The following PRRC2A variants were observed in gnomAD, a reference collection of about 807,000 sequenced individuals.
PRRC2A encodes protein PRRC2A.
PRRC2A carries 59 observed loss-of-function variants against 224.6 expected under a neutral mutation model. The observed-to-expected ratio is 0.26, with a 90% CI of 0.21 to 0.33. PRRC2A has a LOEUF of 0.33. Among genes scored for constraint, PRRC2A ranks in the 10% least tolerant of loss-of-function variants. The pLI is 1.00. For synonymous variants in PRRC2A, 1,194 were observed against 1,109.5 expected (o/e 1.08, Z -1.51); for missense variants, 3,095 against 2,880.7 (o/e 1.07, Z -1.70).
Position 31,637,611 on chromosome 6 carries a change from C to G in PRRC2A, c.*25C>G, listed in dbSNP as rs569186695. 8.3e-7 allele frequency: 1 copy of G among 1,211,848 alleles called. No individual in the cohort carries two copies. The highest frequency in any genetic ancestry group is 1.4e-5 in the South Asian group (1 of 72,712). 75.1% of individuals were successfully genotyped at this position (1,211,848 alleles called of 1,614,324 possible). A position where few individuals can be genotyped will look rare whatever the true frequency, so the allele number is the denominator to read the frequency against. ...AGGGAGTTCCTCTTGCCCCCTACCC[C>G]CGGGGCTTGTATATAGATTATAAAT... On this transcript the variant is annotated 3_prime_UTR_variant, in exon 31 of 31. Coordinates refer to ENST00000376033, the MANE Select transcript of PRRC2A (RefSeq NM_004638.4).
rs1482742039 is a variant in PRRC2A at position 31,627,605 on chromosome 6, A to G, written c.1291-160A>G. 6.6e-6 allele frequency among the ~76,000 whole-genome samples: 1 copy of G among 152,192 alleles called. No individual in the cohort carries two copies. ...GCAACATAGCAAGACGTGGTCTCAA[A>G]GAAGACCAGGATAATGAGTTTGTCA... is the stretch of plus-strand genomic sequence containing the variant. On this transcript the variant is annotated intron_variant, in intron 11 of 30. Transcript: ENST00000376033. The surrounding 1 kb of genome is among the most constrained non-coding windows in gnomAD (Gnocchi z 5.6).
At position 31,623,766 on chromosome 6, in the gene PRRC2A, A is replaced by G. The variant is rs1300169450; in HGVS notation, c.147A>G (p.Lys49=). The part of the protein sequence containing the change: ...APRHGLQSLG[K]VAIARRMPPP... ...GCCATGGCCTGCAGAGTCTCGGGAA[A>G]GTTGCCATTGCCCGGCGTATGCCAC... Residue 49 remains lysine (K), a synonymous_variant, in exon 3 of 31, where the codon AAA becomes AAG. Transcript: ENST00000376033. The G allele has an allele frequency of 9.9e-6, 16 of 1,614,094 alleles. No individual in the cohort carries two copies. The Admixed American group carries it at 2.5e-4, about 25-fold the overall frequency.
chr6:31,632,044 C>T lies in PRRC2A; in HGVS notation c.3371C>T (p.Ala1124Val), dbSNP rs1379377308. Residue 1124 changes from alanine to valine, a missense_variant, in exon 16 of 31, where the codon GCT becomes GTT. Transcript: ENST00000376033. The stretch of plus-strand genomic sequence containing the variant: ...GATCTGGCTCCTTCAGACAAGGAGG[C>T]TCCCACACCCAAGGAGGGAACACTC... ...ESDLAPSDKE[A>V]PTPKEGTLTQ... 2.5e-6 allele frequency: 4 copies of T among 1,587,764 alleles called. No homozygotes were observed. The highest frequency in any genetic ancestry group is 3.4e-6 in the Non-Finnish European group (4 of 1,164,918).
chr6:31,620,918 T>C lies in PRRC2A; in HGVS notation c.-101+60T>C, dbSNP rs143735158. On this transcript the variant is annotated intron_variant, in intron 1 of 30. Transcript: ENST00000376033. ...TCCGGCGCGGGAGAGGTGGTGGCGG[T>C]GGCGGTGGCGGCGGCGGCGGCGGTG... is the stretch of plus-strand genomic sequence containing the variant. 226 of 155,696 alleles carry C rather than the reference T, an allele frequency of 1.5e-3. 8 individuals are homozygous for C. In the South Asian group the frequency reaches 0.029, roughly 20 times the overall value. 9.6% of individuals were successfully genotyped at this position (155,696 alleles called of 1,614,324 possible). A position where few individuals can be genotyped will look rare whatever the true frequency, so the allele number is the denominator to read the frequency against.
At chr6:31,622,385 A>T (rs1775391219) in intron 1 of PRRC2A, among the ~76,000 whole-genome samples, 1 of 152,126 alleles carries the variant, frequency 6.6e-6, no homozygotes, top group Admixed American at 6.5e-5. Flanking sequence ...AAGTCTCTGA[A>T]ACGATTTTGG....
intron 17 of PRRC2A, 39 bp downstream of exon 17, chr6:31,633,686 C>A: frequency 6.4e-7 from 1 of 1,574,414 alleles, no homozygotes. Flanking sequence ...ATCTCCATCC[C>A]CAGAGAAGGT....
rs1172780865 is a variant in PRRC2A, at chr6:31,632,557, T to C, written c.3884T>C (p.Val1295Ala). Residue 1295 changes from valine to alanine, a missense_variant, in exon 16 of 31, where the codon GTG becomes GCG. Val to Ala is a moderately conservative substitution (Grantham distance 64, BLOSUM62 0). Coordinates refer to ENST00000376033, the MANE Select transcript of PRRC2A (RefSeq NM_004638.4). ...GPEEALTTVT[V>A]APAPRRAAAK... ...GAGGAGGCCCTCACAACAGTCACAG[T>C]GGCCCCAGCACCTCGCCGGGCAGCT... is the stretch of plus-strand genomic sequence containing the variant. 6.8e-6 allele frequency: 11 copies of C among 1,611,882 alleles called. No homozygotes were observed. The East Asian group carries it at 1.6e-4, about 23-fold the overall frequency.
chr6:31,629,896 G>A (rs773352283), intron 14 of PRRC2A, 51 bp downstream of exon 14: 1 of 1,601,914 alleles, frequency 6.2e-7, no homozygotes. Context: ...TCAGTCTTAG[G>A]CATTGGATAT....
In PRRC2A at chr6:31,627,185, C is replaced by A. The variant is rs751627583; in HGVS notation, c.1277C>A (p.Pro426His). ...HRGPAGNWGP[P>H]GDYPDRGGPP... ...GGCCCCGCCGGGAACTGGGGCCCCC[C>A]TGGGGACTACCCAGTGAGTGTCTCC... The change falls in exon 11 of 31, where the codon CCT becomes CAT. Residue 426 changes from proline to histidine, a missense_variant. Transcript: ENST00000376033. The surrounding 1 kb of genome is among the most constrained non-coding windows in gnomAD (Gnocchi z 5.6). 6.2e-7 allele frequency: 1 copy of A among 1,605,380 alleles called. No homozygotes were observed. Among genetic ancestry groups the A allele is most frequent in the Admixed American group, 1.7e-5 (1 of 59,874 alleles).
At chr6:31,635,010 T>C (rs1561837834) in intron 21 of PRRC2A, 33 bp downstream of exon 21, 2 of 1,604,810 alleles carry the variant, frequency 1.2e-6, no homozygotes, top group Non-Finnish European at 8.5e-7. Context: ...GGGGAATGTT[T>C]CCAGGAATCT....
At chr6:31,635,038 T>C in intron 21 of PRRC2A, 61 bp downstream of exon 21, 1 of 1,598,236 alleles carries the variant, frequency 6.3e-7, no homozygotes, top group Non-Finnish European at 8.5e-7. Context: ...GCCCTACCTT[T>C]TTCTGCTTTT....
In PRRC2A at chr6:31,627,972, C is replaced by T. The variant is rs146082098; in HGVS notation, c.1498C>T (p.Pro500Ser). The stretch of plus-strand genomic sequence containing the variant: ...GCGACTCGATGAAAAGTTTGGGGCA[C>T]CTGACAAGCGGCTCAAAGCAGAGCC... The part of the protein sequence containing the change: ...LKRLDEKFGA[P>S]DKRLKAEPAA... Residue 500 changes from proline (P) to serine (S), a missense_variant, in exon 12 of 31, where the codon CCT (proline) becomes TCT (serine). By Grantham distance (74) the Pro-to-Ser change is moderately conservative (BLOSUM62 -1). Transcript: ENST00000376033. The surrounding 1 kb of genome is among the most constrained non-coding windows in gnomAD (Gnocchi z 5.6). The T allele has an allele frequency of 2.5e-5, 41 of 1,612,892 alleles. No homozygotes were observed. Among genetic ancestry groups the T allele is most frequent in the South Asian group, 9.9e-5 (9 of 91,090 alleles).
At position 31,637,448 on chromosome 6, in the gene PRRC2A, C is replaced by T. The variant is rs772834510; in HGVS notation, c.6336C>T (p.Ala2112=). 1.3e-6 allele frequency: 2 copies of T among 1,580,810 alleles called. No homozygotes were observed. Among genetic ancestry groups the T allele is most frequent in the Non-Finnish European group, 1.7e-6 (2 of 1,160,898 alleles). ...TTTAACACATGCCTGTCCCCTAGGC[C>T]TCCCCACCAGATGCCCTGCGCTGGA... ...RTQRVDLYQQ[A]SPPDALRWIP... is the part of the protein sequence containing the mutation. The change falls in exon 31 of 31, where the codon GCC becomes GCT. Residue 2112 remains alanine, a splice_region_variant and synonymous_variant. Coordinates refer to ENST00000376033, the MANE Select transcript of PRRC2A (RefSeq NM_004638.4).
In PRRC2A at chr6:31,633,940, C is replaced by A; in HGVS notation, c.4670C>A (p.Pro1557His). ...PRDSAGVSPF[P>H]PKRRERPPRK... ...GACTCTGCCGGGGTTAGTCCCTTTC[C>A]CCCTAAACGTCGGGAGCGGCCTCCC... The change falls in exon 18 of 31, where the codon CCC becomes CAC. Residue 1557 changes from proline (P) to histidine (H), a missense_variant. Pro to His is a moderately conservative substitution (Grantham distance 77). Around this residue, in one of 8 missense-constraint regions of PRRC2A, gnomAD observed 2,001 missense variants for 1,764.9 expected, o/e 1.13. Coordinates refer to ENST00000376033, the MANE Select transcript of PRRC2A (RefSeq NM_004638.4). 1 of 1,597,784 alleles carries A rather than the reference C, an allele frequency of 6.3e-7. No homozygotes were observed. The highest frequency in any genetic ancestry group is 8.5e-7 in the Non-Finnish European group (1 of 1,176,124).
Position 31,631,509 on chromosome 6 carries a change from C to T in PRRC2A, c.2836C>T (p.Pro946Ser), listed in dbSNP as rs1298391318. 6.2e-7 allele frequency: 1 copy of T among 1,603,002 alleles called. No individual in the cohort carries two copies. Reference protein sequence around the residue: ...GIPPEEPGAPPRRAGPIKKPP... With the variant: ...GIPPEEPGAPSRRAGPIKKPP... The stretch of plus-strand genomic sequence containing the variant: ...CCCTCCAGAGGAGCCAGGGGCCCCA[C>T]CCCGCCGGGCTGGGCCTATAAAGAA... The change falls in exon 16 of 31, where the codon CCC becomes TCC. Residue 946 changes from proline (P) to serine (S), a missense_variant. Pro to Ser is a moderately conservative substitution (Grantham distance 74). Coordinates refer to ENST00000376033, the MANE Select transcript of PRRC2A (RefSeq NM_004638.4). The surrounding 1 kb of genome is among the most constrained non-coding windows in gnomAD (Gnocchi z 4.5).
At position 31,625,275 on chromosome 6, in the gene PRRC2A, G is replaced by A; in HGVS notation, c.568G>A (p.Glu190Lys). The A allele has an allele frequency of 1.2e-6, 2 of 1,613,372 alleles. No individual in the cohort carries two copies. The highest frequency in any genetic ancestry group is 1.7e-6 in the Non-Finnish European group (2 of 1,180,036). The change falls in exon 6 of 31, where the codon GAA becomes AAA. Residue 190 changes from glutamate to lysine, a missense_variant. By Grantham distance (56) the Glu-to-Lys change is moderately conservative. This residue lies in a region of PRRC2A where 287 missense variants were observed against 275.3 expected (regional missense o/e 1.04). Transcript: ENST00000376033. The surrounding 1 kb of genome is among the most constrained non-coding windows in gnomAD (Gnocchi z 4.1). ...DKAAKERESA[E>K]QSSGPGPSLR... ...GGCTGCCAAGGAAAGGGAGTCTGCCGAACAGTCGTCTGGGCCCGGACCAAG... is the reference window on the plus strand; with the variant it reads ...GGCTGCCAAGGAAAGGGAGTCTGCCAAACAGTCGTCTGGGCCCGGACCAAG...
chr6:31,635,748 A>G lies in PRRC2A; in HGVS notation c.5540A>G (p.Gln1847Arg), dbSNP rs145128364. Reference sequence around the variant, plus strand: ...GGCAGTGCTGGGCCTTCCAGTTCTCAGGTAGGCCCCGCTTCCCATTGCATG... The same window carrying G: ...GGCAGTGCTGGGCCTTCCAGTTCTCGGGTAGGCCCCGCTTCCCATTGCATG... Reference protein sequence around the residue: ...FYGSAGPSSSQISGGAMDSQL... With the variant: ...FYGSAGPSSSRISGGAMDSQL... The change falls in exon 24 of 31, where the codon CAG (glutamine) becomes CGG (arginine). Residue 1847 changes from glutamine to arginine, a missense_variant and splice_region_variant. Around this residue, in one of 8 missense-constraint regions of PRRC2A, gnomAD observed 662 missense variants for 609.5 expected, o/e 1.09. Transcript: ENST00000376033. 1.1e-5 allele frequency: 18 copies of G among 1,577,194 alleles called. No homozygotes were observed. The African/African-American group carries it at 1.8e-4, about 16-fold the overall frequency.
Position 31,632,446 on chromosome 6 carries a change from G to A in PRRC2A, c.3773G>A (p.Arg1258Gln), listed in dbSNP as rs745816832. 27 of 1,604,780 alleles carry A rather than the reference G, an allele frequency of 1.7e-5. No individual in the cohort carries two copies. Among genetic ancestry groups the A allele is most frequent in the Admixed American group, 1.0e-4 (6 of 59,434 alleles). Residue 1258 changes from arginine to glutamine, a missense_variant, in exon 16 of 31, where the codon CGG becomes CAG. Physicochemically the swap from Arg to Gln is conservative, Grantham distance 43 (BLOSUM62 1). Transcript: ENST00000376033. ...AQQQDKPPRF[R>Q]RLKQERENAA... Reference sequence around the variant, plus strand: ...CAGCAGGATAAACCGCCTCGTTTCCGGAGGCTGAAGCAGGAACGGGAGAAT... The same window carrying A: ...CAGCAGGATAAACCGCCTCGTTTCCAGAGGCTGAAGCAGGAACGGGAGAAT...
rs762123319 is a variant in PRRC2A at position 31,629,890 on chromosome 6, T to G, written c.2254+45T>G. On this transcript the variant is annotated intron_variant, in intron 14 of 30. Coordinates refer to ENST00000376033, the MANE Select transcript of PRRC2A (RefSeq NM_004638.4). ...GTGAGAAACAGGAAAGTCCCCTCAG[T>G]CTTAGGCATTGGATATTAGGGTCTT... 5 of 1,603,586 alleles carry G rather than the reference T, an allele frequency of 3.1e-6. No individual in the cohort carries two copies. The Admixed American group carries it at 7.0e-5, about 22-fold the overall frequency.
Sources: gnomAD v4.1 joint callset for allele counts (sites outside exome capture counted in the v4.1 genomes callset) on GRCh38, gnomAD v4.1.1 for gene constraint, gnomAD v4.1.1 regional missense constraint, Gnocchi (gnomAD v3.1) non-coding constraint, MANE v1.5 for transcripts, NCBI Gene and HGNC (gene_info 2026-07-23, HGNC 2026-07-21) for gene names.